TNFRSF10A: variants seen among roughly 807,000 people sequenced by gnomAD.
The protein encoded by TNFRSF10A is tumor necrosis factor receptor superfamily member 10A.
Under a neutral mutation model 42.8 loss-of-function variants are expected in TNFRSF10A, and 44 were observed. That is an observed-to-expected ratio of 1.03 (90% CI 0.81 to 1.32). TNFRSF10A has a LOEUF of 1.32. Ranked by LOEUF, TNFRSF10A falls within the 40% of genes most tolerant of loss-of-function variation. The pLI is 0.00. For missense variants in TNFRSF10A, 680 were observed against 602.0 expected, an observed-to-expected ratio of 1.13 and a Z score of -1.36; for synonymous variants, 259 against 234.2, an observed-to-expected ratio of 1.11 and a Z score of -0.97.
At chr8:23,217,832 C>A (rs1563386358) in intron 1 of TNFRSF10A, among the ~76,000 whole-genome samples, 2 of 152,184 alleles carry the variant, frequency 1.3e-5, no homozygotes, top group African/African-American at 4.8e-5. Context: ...TAGGACAGTT[C>A]CAGTTCCCAG....
chr8:23,224,535 C>A, intron 1 of TNFRSF10A: 1 of 585,300 alleles, frequency 1.7e-6, no homozygotes, highest in South Asian at 2.1e-5. Context: ...CGGGCCCAGC[C>A]TCCTGCGGGA....
chr8:23,201,723 G>T, intron 4 of TNFRSF10A, 85 bp downstream of exon 4: 2 of 1,259,118 alleles, frequency 1.6e-6, no homozygotes, highest in South Asian at 1.2e-5. Flanking sequence ...ATAGATACGG[G>T]TACAAGGAGA....
At chr8:23,195,927 G>A (rs1340702026) in intron 9 of TNFRSF10A, among the ~76,000 whole-genome samples, 3 of 152,106 alleles carry the variant, frequency 2.0e-5, no homozygotes, top group Non-Finnish European at 4.4e-5. Context: ...TAGAAAGGGA[G>A]AACTGAAATC....
At chr8:23,218,757 C>T (rs373456951) in intron 1 of TNFRSF10A, among the ~76,000 whole-genome samples, 133 of 152,246 alleles carry the variant, frequency 8.7e-4, no homozygotes, top group African/African-American at 3.0e-3. Context: ...GCTGCTGCCC[C>T]GAGGGTTGCT....
In TNFRSF10A at chr8:23,200,419, G is replaced by T. The variant is rs1038072680; in HGVS notation, c.799+86C>A. 7 of 1,459,348 alleles carry T rather than the reference G, an allele frequency of 4.8e-6. No individual in the cohort carries two copies. In the African/African-American group the frequency reaches 9.8e-5, roughly 20 times the overall value. 90.4% of individuals were successfully genotyped at this position (1,459,348 alleles called of 1,614,324 possible). On this transcript the variant is annotated intron_variant, in intron 6 of 9. Coordinates refer to ENST00000221132, the MANE Select transcript of TNFRSF10A (RefSeq NM_003844.4). ...GCCCGGCCAGAGACACTAGGACTTGGGGCAGGGGTGAGCGTTTCTGTCTGT... is the reference window on the plus strand; with the variant it reads ...GCCCGGCCAGAGACACTAGGACTTGTGGCAGGGGTGAGCGTTTCTGTCTGT...
intron 1 of TNFRSF10A, among the ~76,000 whole-genome samples, chr8:23,219,968 C>A (rs1477770538): frequency 6.6e-6 from 1 of 152,150 alleles, no homozygotes; most frequent in African/African-American, 2.4e-5. Context: ...ACACGTTCCC[C>A]CTCTGAGCTG....
chr8:23,207,012 C>G (rs920747131), intron 2 of TNFRSF10A: 9 of 406,966 alleles, frequency 2.2e-5, no homozygotes, highest in African/African-American at 1.5e-4. Flanking sequence ...AGAAAGGTGT[C>G]CACTGCCATG....
rs1472365236 is a variant in TNFRSF10A at position 23,191,637 on chromosome 8, A to AC, written c.*56dup. On this transcript the variant is annotated 3_prime_UTR_variant, in exon 10 of 10. Coordinates refer to ENST00000221132, the MANE Select transcript of TNFRSF10A (RefSeq NM_003844.4). ...TGTATACATGTTAAAAAAAAAAAAAACCTAATATGTATTAACTCCTAACAC... is the reference window on the plus strand; with the variant it reads ...TGTATACATGTTAAAAAAAAAAAAAACCCTAATATGTATTAACTCCTAACAC... 10 of 1,479,618 alleles carry AC rather than the reference A, an allele frequency of 6.8e-6. No individual in the cohort carries two copies. In the South Asian group the frequency reaches 9.9e-5, roughly 15 times the overall value. The allele number at this position is 1,479,618 out of a possible 1,614,324, so 91.7% of individuals were successfully genotyped here.
intron 4 of TNFRSF10A, 29 bp from the exon 5 acceptor site, chr8:23,200,789 G>GGC: frequency 6.9e-7 from 1 of 1,450,380 alleles, no homozygotes; most frequent in Non-Finnish European, 9.6e-7. Context: ...GGAGGGGGGG[G>GGC]ACTCTTGATG....
At chr8:23,221,525 T>C (rs1469380516) in intron 1 of TNFRSF10A, among the ~76,000 whole-genome samples, 1 of 152,096 alleles carries the variant, frequency 6.6e-6, no homozygotes, top group East Asian at 1.9e-4. Flanking sequence ...GGACCTGGGG[T>C]GAGAAACTGA....
intron 1 of TNFRSF10A, 52 bp downstream of exon 1, chr8:23,224,704 C>A: frequency 6.5e-7 from 1 of 1,529,416 alleles, no homozygotes; most frequent in Non-Finnish European, 8.8e-7. Flanking sequence ...TCTCTGCCCC[C>A]TCCCGGTGCC....
chr8:23,221,909 C>G (rs948385459), intron 1 of TNFRSF10A, among the ~76,000 whole-genome samples: 1 of 151,864 alleles, frequency 6.6e-6, no homozygotes, highest in African/African-American at 2.4e-5. Flanking sequence ...CGGAGTCTCG[C>G]TCAGTCGCCC....
Position 23,204,145 on chromosome 8 carries a change from G to A in TNFRSF10A, c.404-1384C>T, listed in dbSNP as rs117346830. ...TCGATGATAAAAATATGATTATTCA[G>A]TAATGGCGCTGGGGCAACTAAGGTT... On this transcript the variant is annotated intron_variant, in intron 2 of 9. Transcript: ENST00000221132. Among the ~76,000 whole-genome samples the A allele has an allele frequency of 5.5e-3, 841 of 152,206 alleles. 3 individuals carry two copies. The highest frequency in any genetic ancestry group is 9.4e-3 in the Admixed American group (144 of 15,288).
chr8:23,196,704 T>C (rs748216470), intron 9 of TNFRSF10A, among the ~76,000 whole-genome samples: 2 of 152,228 alleles, frequency 1.3e-5, no homozygotes, highest in Admixed American at 6.5e-5. Flanking sequence ...AACAAAATAA[T>C]GAGTGGAATA....
chr8:23,215,320 A>G (rs1801162020), intron 1 of TNFRSF10A, among the ~76,000 whole-genome samples: 1 of 152,158 alleles, frequency 6.6e-6, no homozygotes, highest in Admixed American at 6.5e-5. Flanking sequence ...GTTCAAGACC[A>G]GCCTGGCCAA....
intron 1 of TNFRSF10A, 142 bp downstream of exon 1, chr8:23,224,614 T>A (rs1720326662): frequency 2.6e-6 from 3 of 1,160,196 alleles, no homozygotes; most frequent in Admixed American, 2.9e-5. Context: ...TTCCTCCGAC[T>A]CCGACGACGG....
chr8:23,220,048 C>T (rs971380130), intron 1 of TNFRSF10A, among the ~76,000 whole-genome samples: 2 of 152,146 alleles, frequency 1.3e-5, no homozygotes, highest in Admixed American at 6.5e-5. Flanking sequence ...CCCCTCCTGG[C>T]CACAGGCGAG....
intron 1 of TNFRSF10A, among the ~76,000 whole-genome samples, chr8:23,215,212 A>T (rs1278388289): frequency 6.6e-6 from 1 of 152,126 alleles, no homozygotes; most frequent in Non-Finnish European, 1.5e-5. Flanking sequence ...TAGAAAGTTA[A>T]ATTAGAAAAG....
At chr8:23,209,359 TG>T (rs774164117) in intron 2 of TNFRSF10A, among the ~76,000 whole-genome samples, 18 of 152,224 alleles carry the variant, frequency 1.2e-4, no homozygotes, top group Non-Finnish European at 1.6e-4. Context: ...CACTGCCTAG[TG>T]GAGCTGTGAA....
Sources: gnomAD v4.1 joint callset for allele counts (sites outside exome capture counted in the v4.1 genomes callset) on GRCh38, gnomAD v4.1.1 for gene constraint, MANE v1.5 for transcripts, NCBI Gene and HGNC (gene_info 2026-07-23, HGNC 2026-07-21) for gene names.